The following ZNF532 variants were observed in gnomAD, a reference collection of about 807,000 sequenced individuals.
The protein encoded by ZNF532 is zinc finger protein 532.
ZNF532 carries 22 observed loss-of-function variants against 89.3 expected under a neutral mutation model. The ratio of observed to expected loss-of-function variants is 0.25; its 90% CI spans 0.18 to 0.35. The LOEUF (loss-of-function observed/expected upper bound fraction) is 0.35. Ranked by LOEUF, ZNF532 falls within the 10% of genes least tolerant of loss-of-function variation. ZNF532 has a pLI of 1.00. For missense variants in ZNF532, 1,132 were observed against 1,643.4 expected (o/e 0.69, Z 5.38); for synonymous variants, 606 against 649.6 (o/e 0.93, Z 1.02).
At chr18:58,949,220 G>T (rs751078599) in intron 6 of ZNF532, among the ~76,000 whole-genome samples, 3 of 152,130 alleles carry the variant, frequency 2.0e-5, no homozygotes, top group Non-Finnish European at 4.4e-5. Flanking sequence ...ACTAAGGCCA[G>T]TGCTTAGTTC....
chr18:58,952,612 C>T (rs2064325368), intron 6 of ZNF532, among the ~76,000 whole-genome samples: 1 of 152,092 alleles, frequency 6.6e-6, no homozygotes, highest in African/African-American at 2.4e-5. Flanking sequence ...CTCTGTGTTG[C>T]CCAGACTGGT....
chr18:58,890,884 A>C (rs2058852013), intron 2 of ZNF532, among the ~76,000 whole-genome samples: 1 of 148,902 alleles, frequency 6.7e-6, no homozygotes, highest in African/African-American at 2.5e-5. Flanking sequence ...GGCCTCTGTC[A>C]TCCAGGCTGG....
In ZNF532 at chr18:58,969,430, C is replaced by T. The variant is rs142662541; in HGVS notation, c.3151-9625C>T. ...TGCAACACCACAATCAACACCGACA[C>T]GGAGCACAGAGGGGCGTCTTCATCG... On this transcript the variant is annotated intron_variant, in intron 7 of 9. Transcript: ENST00000591808. Among the ~76,000 whole-genome samples the T allele has an allele frequency of 4.5e-3, 693 of 152,308 alleles. 3 individuals are homozygous for T. Among genetic ancestry groups the T allele is most frequent in the Non-Finnish European group, 5.0e-3 (337 of 68,030 alleles).
chr18:58,957,406 CATATATATATATATAT>C (rs58182199), intron 7 of ZNF532, among the ~76,000 whole-genome samples: 4 of 138,912 alleles, frequency 2.9e-5, no homozygotes, highest in Admixed American at 7.3e-5. Flanking sequence ...ACTTAAAATA[CATATATATATATATAT>C]ATATATATAT....
At chr18:58,968,669 AGTGTC>A (rs1219445106) in intron 7 of ZNF532, among the ~76,000 whole-genome samples, 1 of 151,988 alleles carries the variant, frequency 6.6e-6, no homozygotes, top group Non-Finnish European at 1.5e-5. Context: ...GAGTGGGAGG[AGTGTC>A]GTATCTCTCA....
intron 4 of ZNF532, among the ~76,000 whole-genome samples, chr18:58,936,072 A>G (rs1207750500): frequency 6.6e-6 from 1 of 152,224 alleles, no homozygotes; most frequent in African/African-American, 2.4e-5. Flanking sequence ...GCCTGGTGGA[A>G]ACCTTTGGCT....
At chr18:58,880,762 A>ATG (rs1407374371) in intron 2 of ZNF532, among the ~76,000 whole-genome samples, 34 of 93,508 alleles carry the variant, frequency 3.6e-4, no homozygotes, top group East Asian at 8.9e-4. Context: ...GCGCGCGCGC[A>ATG]CGCGCGCGCG....
rs536994016 is a variant in ZNF532 at position 58,899,454 on chromosome 18, A to G, written c.-17-18817A>G. Among the ~76,000 whole-genome samples, 419 of 152,112 alleles carry G rather than the reference A, an allele frequency of 2.8e-3. 1 individual carries two copies. The highest frequency in any genetic ancestry group is 4.7e-3 in the Non-Finnish European group (319 of 67,976). ...CCTCTCTGCATTTCCTCTTTCTGAAACACTTAATTTTATTTATTTATTTAT... is the reference window on the plus strand; with the variant it reads ...CCTCTCTGCATTTCCTCTTTCTGAAGCACTTAATTTTATTTATTTATTTAT... On this transcript the variant is annotated intron_variant, in intron 2 of 9. Coordinates refer to ENST00000591808, the MANE Select transcript of ZNF532 (RefSeq NM_001375912.1).
intron 6 of ZNF532, among the ~76,000 whole-genome samples, chr18:58,948,684 C>G (rs1225405745): frequency 6.6e-6 from 1 of 151,686 alleles, no homozygotes; most frequent in Non-Finnish European, 1.5e-5. Context: ...TCTCCTGCCT[C>G]AGCCTCCCGA....
At chr18:58,939,055 T>C (rs2062720484) in intron 4 of ZNF532, among the ~76,000 whole-genome samples, 1 of 151,958 alleles carries the variant, frequency 6.6e-6, no homozygotes, top group African/African-American at 2.4e-5. Context: ...GAGACCAGCT[T>C]GGCCAACATG....
Position 58,920,520 on chromosome 18 carries a change from G to A in ZNF532, c.2233G>A (p.Asp745Asn), listed in dbSNP as rs1391284376. The stretch of plus-strand genomic sequence containing the variant: ...CACCCCAGCCATGCCCCTAGATGAA[G>A]ACCCCTCCAAACTGTGTAGACATAG... ...PITPAMPLDEDPSKLCRHSLK... is the reference protein window; with the variant it reads ...PITPAMPLDENPSKLCRHSLK... Residue 745 changes from aspartate (D) to asparagine (N), a missense_variant, in exon 3 of 10, where the codon GAC (aspartate) becomes AAC (asparagine). Physicochemically the swap from Asp to Asn is conservative, Grantham distance 23. Coordinates refer to ENST00000591808, the MANE Select transcript of ZNF532 (RefSeq NM_001375912.1). The A allele has an allele frequency of 6.2e-7, 1 of 1,613,844 alleles. No homozygotes were observed. Among genetic ancestry groups the A allele is most frequent in the Non-Finnish European group, 8.5e-7 (1 of 1,179,856 alleles).
At chr18:58,896,076 C>A (rs2059229659) in intron 2 of ZNF532, among the ~76,000 whole-genome samples, 1 of 152,090 alleles carries the variant, frequency 6.6e-6, no homozygotes, top group Non-Finnish European at 1.5e-5. Flanking sequence ...TGGTCTTAAA[C>A]TCTTGGCCTC....
At chr18:58,879,756 C>T (rs995918643) in intron 2 of ZNF532, among the ~76,000 whole-genome samples, 5 of 152,118 alleles carry the variant, frequency 3.3e-5, no homozygotes, top group South Asian at 2.1e-4. Flanking sequence ...TGTTGGCCAA[C>T]GATTGTTTTT....
At chr18:58,979,376 C>A in intron 8 of ZNF532, 1 of 360,936 alleles carries the variant, frequency 2.8e-6, no homozygotes, top group Non-Finnish European at 5.1e-6. Flanking sequence ...TCTTGCATAT[C>A]CCACATACAT....
intron 7 of ZNF532, among the ~76,000 whole-genome samples, chr18:58,957,196 C>T (rs909406810): frequency 2.0e-5 from 3 of 151,978 alleles, no homozygotes; most frequent in African/African-American, 7.3e-5. Flanking sequence ...ATGAAATACG[C>T]TATACACATA....
At chr18:58,928,426 A>AC (rs1291364881) in intron 3 of ZNF532, among the ~76,000 whole-genome samples, 1 of 152,040 alleles carries the variant, frequency 6.6e-6, no homozygotes, top group Non-Finnish European at 1.5e-5. Context: ...ATGCTCAGTG[A>AC]CCCCCAAGAG....
At chr18:58,867,472 AT>A in intron 2 of ZNF532, among the ~76,000 whole-genome samples, 1 of 151,572 alleles carries the variant, frequency 6.6e-6, no homozygotes, top group East Asian at 1.9e-4. Context: ...ATGCTGAGGT[AT>A]AACAATGTAG....
intron 3 of ZNF532, 112 bp downstream of exon 3, chr18:58,920,745 T>C (rs1400855825): frequency 4.5e-5 from 7 of 156,994 alleles, no homozygotes; most frequent in East Asian, 2.3e-4. Context: ...CGTGTGTGTG[T>C]GTGTGTGTGT....
intron 7 of ZNF532, among the ~76,000 whole-genome samples, chr18:58,965,640 G>T (rs1043452807): frequency 6.6e-6 from 1 of 152,188 alleles, no homozygotes; most frequent in Non-Finnish European, 1.5e-5. Context: ...CTGGACGTGT[G>T]TGTAGTTTTG....
Sources: gnomAD v4.1 joint callset for allele counts (sites outside exome capture counted in the v4.1 genomes callset) on GRCh38, gnomAD v4.1.1 for gene constraint, MANE v1.5 for transcripts, NCBI Gene and HGNC (gene_info 2026-07-23, HGNC 2026-07-21) for gene names.